The following MCTP1 variants were observed in gnomAD, a reference collection of about 807,000 sequenced individuals.
The protein encoded by MCTP1 is multiple C2 and transmembrane domain containing 1, also known as multiple C2 and transmembrane domain-containing protein 1.
A neutral mutation model predicts 120.6 loss-of-function variants in MCTP1; 69 were observed. That is an observed-to-expected ratio of 0.57 (90% CI 0.47 to 0.70). MCTP1 has a LOEUF of 0.70. MCTP1 is among the 30% of genes least tolerant of loss of function. The probability of loss-of-function intolerance (pLI) is 0.00; values close to 1 mark genes in which losing one functional copy is unlikely to be tolerated. For missense variants in MCTP1, 1,203 were observed against 1,248.8 expected, an observed-to-expected ratio of 0.96 and a Z score of 0.55; for synonymous variants, 529 against 493.1, an observed-to-expected ratio of 1.07 and a Z score of -0.96.
intron 1 of MCTP1, among the ~76,000 whole-genome samples, chr5:95,052,907 A>G (rs1281027699): frequency 1.3e-5 from 2 of 152,222 alleles, no homozygotes; most frequent in Non-Finnish European, 2.9e-5. Flanking sequence ...GCTTTTCCTC[A>G]ATTCTGGCCG....
intron 19 of MCTP1, among the ~76,000 whole-genome samples, chr5:94,723,046 ATCTT>A (rs1325691648): frequency 6.6e-6 from 1 of 152,202 alleles, no homozygotes; most frequent in African/African-American, 2.4e-5. Flanking sequence ...CTCTGTGCCA[ATCTT>A]TCTTCTTTTT....
chr5:95,112,418 A>T (rs1280697826), intron 1 of MCTP1, among the ~76,000 whole-genome samples: 5 of 152,226 alleles, frequency 3.3e-5, no homozygotes, highest in Non-Finnish European at 7.3e-5. Flanking sequence ...TATATTTTTT[A>T]AACGTTAGCT....
At chr5:94,814,386 T>C (rs1784065126) in intron 17 of MCTP1, among the ~76,000 whole-genome samples, 1 of 152,220 alleles carries the variant, frequency 6.6e-6, no homozygotes. Flanking sequence ...TGCTAGTCGA[T>C]GACACTATCC....
chr5:95,122,611 A>G (rs1393711607), intron 1 of MCTP1, among the ~76,000 whole-genome samples: 1 of 152,208 alleles, frequency 6.6e-6, no homozygotes, highest in Non-Finnish European at 1.5e-5. Flanking sequence ...AACTAAAAAT[A>G]GAGCTACCAT....
At chr5:94,848,141 T>G (rs1014591839) in intron 17 of MCTP1, among the ~76,000 whole-genome samples, 2 of 152,124 alleles carry the variant, frequency 1.3e-5, no homozygotes, top group African/African-American at 4.8e-5. Context: ...CTAAAACTAT[T>G]CCTGAATCTG....
In MCTP1 at chr5:95,158,755, G is replaced by A. The variant is rs988180820; in HGVS notation, c.720+125101C>T. ...AGCCTGGGCAGCATGGTGAAACTCT[G>A]TCTCTACAAAAAATACCAAAAAAAA... On this transcript the variant is annotated intron_variant, in intron 1 of 22. Coordinates refer to ENST00000515393, the MANE Select transcript of MCTP1 (RefSeq NM_024717.7). Among the ~76,000 whole-genome samples the A allele has an allele frequency of 1.5e-4, 21 of 143,864 alleles. 1 individual carries two copies. The highest frequency in any genetic ancestry group is 1.0e-3 in the Admixed American group (14 of 13,776). The allele number at this position is 143,864 out of a possible 152,430, so 94.4% of individuals were successfully genotyped here. A position where few individuals can be genotyped will look rare whatever the true frequency, so the allele number is the denominator to read the frequency against.
chr5:95,006,205 G>A (rs894773719), intron 2 of MCTP1, among the ~76,000 whole-genome samples: 3 of 151,912 alleles, frequency 2.0e-5, no homozygotes, highest in Non-Finnish European at 2.9e-5. Context: ...TTGAGGACCC[G>A]CTATATATGT....
chr5:95,249,642 C>T (rs1279199919), intron 1 of MCTP1, among the ~76,000 whole-genome samples: 5 of 152,120 alleles, frequency 3.3e-5, no homozygotes, highest in Admixed American at 6.5e-5. Flanking sequence ...TTTGACCCAG[C>T]GATCACATTA....
At chr5:94,937,626 C>T (rs537493023) in intron 5 of MCTP1, among the ~76,000 whole-genome samples, 5 of 151,960 alleles carry the variant, frequency 3.3e-5, no homozygotes, top group African/African-American at 1.2e-4. Flanking sequence ...AGGATTTTTG[C>T]AAGGATTGTT....
chr5:94,965,132 G>C (rs1005977002), intron 2 of MCTP1, among the ~76,000 whole-genome samples: 1 of 152,028 alleles, frequency 6.6e-6, no homozygotes, highest in Non-Finnish European at 1.5e-5. Context: ...TTATAATCGA[G>C]GTTTAGGCGA....
Position 94,704,694 on chromosome 5 carries a change from G to GTCAT in MCTP1, c.*2798_*2801dup, listed in dbSNP as rs1754138579. On this transcript the variant is annotated 3_prime_UTR_variant, in exon 23 of 23. Transcript: ENST00000515393. The stretch of plus-strand genomic sequence containing the variant: ...TGGTTTGACCGTTGTCTATAACAGG[G>GTCAT]TCATACAGTTGGTATTCGATAAATA... 2.0e-5 allele frequency: 3 copies of GTCAT among 151,010 alleles called. No individual in the cohort carries two copies. Among genetic ancestry groups the GTCAT allele is most frequent in the African/African-American group, 7.3e-5 (3 of 41,248 alleles). 9.4% of individuals were successfully genotyped at this position (151,010 alleles called of 1,614,324 possible).
intron 1 of MCTP1, among the ~76,000 whole-genome samples, chr5:95,198,886 G>A (rs1750685602): frequency 1.3e-5 from 2 of 152,160 alleles, no homozygotes; most frequent in South Asian, 2.1e-4. Flanking sequence ...AATTTGTAGG[G>A]AGACATTAGA....
At chr5:94,748,824 A>G (rs1580454524) in intron 19 of MCTP1, among the ~76,000 whole-genome samples, 1 of 152,320 alleles carries the variant, frequency 6.6e-6, no homozygotes, top group South Asian at 2.1e-4. Context: ...AGAAAAAGAG[A>G]AGCAAATTGA....
intron 1 of MCTP1, among the ~76,000 whole-genome samples, chr5:95,105,515 A>G (rs1278741119): frequency 2.0e-5 from 3 of 152,138 alleles, no homozygotes; most frequent in African/African-American, 7.2e-5. Context: ...ATAGGAGTAC[A>G]TTTTAAAAGG....
At chr5:95,112,258 A>C (rs1757516236) in intron 1 of MCTP1, among the ~76,000 whole-genome samples, 2 of 152,214 alleles carry the variant, frequency 1.3e-5, no homozygotes, top group South Asian at 4.1e-4. Flanking sequence ...CTCTCAAGTT[A>C]ACTTCAGCAG....
chr5:95,019,768 A>G (rs907761583), intron 1 of MCTP1, among the ~76,000 whole-genome samples: 18 of 152,050 alleles, frequency 1.2e-4, no homozygotes, highest in African/African-American at 3.9e-4. Flanking sequence ...ACATATTTCC[A>G]GAACTATGGG....
At chr5:94,961,873 C>T (rs1234781146) in intron 2 of MCTP1, among the ~76,000 whole-genome samples, 2 of 152,142 alleles carry the variant, frequency 1.3e-5, no homozygotes, top group Admixed American at 6.5e-5. Flanking sequence ...TATTCACCTC[C>T]TTAGCCCACT....
At chr5:94,910,718 G>A (rs932687065) in intron 9 of MCTP1, among the ~76,000 whole-genome samples, 1 of 152,140 alleles carries the variant, frequency 6.6e-6, no homozygotes, top group Admixed American at 6.5e-5. Context: ...ACTAGAACAC[G>A]GAAATGGTGC....
chr5:94,770,571 A>T (rs1274589825), intron 19 of MCTP1, among the ~76,000 whole-genome samples: 3 of 152,186 alleles, frequency 2.0e-5, no homozygotes, highest in African/African-American at 7.2e-5. Context: ...TTTTAGCCCA[A>T]CTGCCACTTT....
Sources: allele counts gnomAD v4.1 joint callset (sites outside exome capture counted in the v4.1 genomes callset), GRCh38; gene constraint gnomAD v4.1.1; transcripts MANE v1.5; gene names NCBI Gene and HGNC (gene_info 2026-07-23, HGNC 2026-07-21).